Variants in SNAPC1 observed in about 807,000 individuals in gnomAD.
SNAPC1 encodes the protein small nuclear RNA activating complex polypeptide 1.
Under a neutral mutation model 50.1 loss-of-function variants are expected in SNAPC1, and 42 were observed. That is an observed-to-expected ratio of 0.84 (90% CI 0.65 to 1.08). The LOEUF is 1.08. Ranked by LOEUF, SNAPC1 falls within the 50% of genes least tolerant of loss-of-function variation. SNAPC1 has a pLI of 0.00. For missense variants in SNAPC1, 477 were observed against 427.3 expected (o/e 1.12, Z -1.02); for synonymous variants, 164 against 144.2 (o/e 1.14, Z -0.98).
chr14:61,767,531 T>A (rs2044957513), intron 3 of SNAPC1, among the ~76,000 whole-genome samples, 179 bp downstream of exon 3: 1 of 151,848 alleles, frequency 6.6e-6, no homozygotes, highest in Non-Finnish European at 1.5e-5. Context: ...TGGCACCATC[T>A]CGGCTGACTG....
chr14:61,782,606 A>G (rs1339972377), intron 8 of SNAPC1, among the ~76,000 whole-genome samples: 1 of 152,204 alleles, frequency 6.6e-6, no homozygotes, highest in African/African-American at 2.4e-5. Flanking sequence ...GTATCGTTTT[A>G]TAGATGATGA....
At chr14:61,772,734 A>G (rs1233576762) in intron 4 of SNAPC1, among the ~76,000 whole-genome samples, 1 of 152,212 alleles carries the variant, frequency 6.6e-6, no homozygotes, top group Non-Finnish European at 1.5e-5. Flanking sequence ...GGTAGAATGT[A>G]AATATTTTTT....
At chr14:61,782,983 A>C (rs2045087371) in intron 8 of SNAPC1, among the ~76,000 whole-genome samples, 1 of 151,326 alleles carries the variant, frequency 6.6e-6, no homozygotes, top group Non-Finnish European at 1.5e-5. Flanking sequence ...TAATAGCTAG[A>C]TAGTTATGAA....
chr14:61,778,866 T>A lies in SNAPC1; in HGVS notation c.781T>A (p.Ser261Thr), dbSNP rs2045052540. 1 of 1,561,604 alleles carries A rather than the reference T, an allele frequency of 6.4e-7. No individual in the cohort carries two copies. The highest frequency in any genetic ancestry group is 1.7e-4 in the Middle Eastern group (1 of 5,932). ...CATCCAGAGATGTGAAAGGGCAGAA[T>A]CATTAGCGAAAATAAAATCAAAGGC... ...QETERCERAE[S>T]LAKIKSKAFS... The change falls in exon 7 of 10, where the codon TCA becomes ACA. Residue 261 changes from serine to threonine, a missense_variant. By Grantham distance (58) the Ser-to-Thr change is moderately conservative. Coordinates refer to ENST00000216294, the MANE Select transcript of SNAPC1 (RefSeq NM_003082.4).
chr14:61,765,539 T>C (rs1037093231), intron 1 of SNAPC1, among the ~76,000 whole-genome samples: 6 of 152,178 alleles, frequency 3.9e-5, no homozygotes, highest in African/African-American at 1.4e-4. Context: ...AGCTTTCAGG[T>C]CACAGATTGG....
At chr14:61,770,021 T>G (rs1374217151) in intron 4 of SNAPC1, among the ~76,000 whole-genome samples, 1 of 152,154 alleles carries the variant, frequency 6.6e-6, no homozygotes, top group Non-Finnish European at 1.5e-5. Context: ...ACTATTAGGA[T>G]TATAATATTT....
chr14:61,784,294 A>G (rs1191760185), intron 8 of SNAPC1, among the ~76,000 whole-genome samples: 1 of 152,238 alleles, frequency 6.6e-6, no homozygotes. Context: ...ACATGTATCA[A>G]AAATAATCCT....
intron 8 of SNAPC1, among the ~76,000 whole-genome samples, chr14:61,789,340 CT>C (rs2140185849): frequency 6.6e-6 from 1 of 151,790 alleles, no homozygotes; most frequent in Non-Finnish European, 1.5e-5. Context: ...AGTGAAAAGG[CT>C]TTTTAAAAAA....
intron 8 of SNAPC1, among the ~76,000 whole-genome samples, chr14:61,790,930 A>G (rs1005209167): frequency 3.3e-5 from 5 of 152,226 alleles, no homozygotes; most frequent in African/African-American, 1.2e-4. Flanking sequence ...AGCTTTGAGC[A>G]TAGTAAAACT....
intron 2 of SNAPC1, 25 bp downstream of exon 2, chr14:61,767,060 C>A: frequency 7.0e-7 from 1 of 1,426,488 alleles, no homozygotes; most frequent in Non-Finnish European, 9.4e-7. Context: ...GTTATTTTTC[C>A]TTAGCAGAAA....
At chr14:61,785,017 C>A (rs2045105338) in intron 8 of SNAPC1, among the ~76,000 whole-genome samples, 1 of 152,040 alleles carries the variant, frequency 6.6e-6, no homozygotes, top group Non-Finnish European at 1.5e-5. Context: ...GTAAACCTTA[C>A]AAAGATTAAA....
At chr14:61,779,700 C>T (rs1390508908) in intron 7 of SNAPC1, among the ~76,000 whole-genome samples, 1 of 112,892 alleles carries the variant, frequency 8.9e-6, no homozygotes, top group African/African-American at 3.2e-5. Flanking sequence ...AACTCTTTCA[C>T]TTTGTTGGTT....
intron 8 of SNAPC1, among the ~76,000 whole-genome samples, chr14:61,790,830 T>C (rs578025406): frequency 6.6e-6 from 1 of 152,196 alleles, no homozygotes; most frequent in East Asian, 1.9e-4. Flanking sequence ...AGTAAATTTG[T>C]TGTTAGTTGC....
At chr14:61,772,058 T>C (rs1005763480) in intron 4 of SNAPC1, among the ~76,000 whole-genome samples, 7 of 152,098 alleles carry the variant, frequency 4.6e-5, no homozygotes, top group African/African-American at 1.2e-4. Context: ...ATCAATATTC[T>C]AATGAAAAAA....
chr14:61,794,820 C>T, intron 9 of SNAPC1, 129 bp from the exon 10 acceptor site: 1 of 705,012 alleles, frequency 1.4e-6, no homozygotes, highest in Non-Finnish European at 2.5e-6. Flanking sequence ...TGTGTTGTAC[C>T]AGTTAGACGT....
In SNAPC1 at chr14:61,766,380, G is replaced by A. The variant is rs561226712; in HGVS notation, c.129-496G>A. On this transcript the variant is annotated intron_variant, in intron 1 of 9. Transcript: ENST00000216294. Reference sequence around the variant, plus strand: ...AACCGGACACAGCAGTAAAGTAGATGTGTCAAGTTATAAATGACCCTGTCT... The same window carrying A: ...AACCGGACACAGCAGTAAAGTAGATATGTCAAGTTATAAATGACCCTGTCT... 7.4e-4 allele frequency among the ~76,000 whole-genome samples: 112 copies of A among 152,318 alleles called. 4 individuals are homozygous for A. The South Asian group carries it at 0.022, about 30-fold the overall frequency.
At chr14:61,772,138 C>T (rs986764579) in intron 4 of SNAPC1, among the ~76,000 whole-genome samples, 3 of 152,066 alleles carry the variant, frequency 2.0e-5, no homozygotes, top group Admixed American at 6.5e-5. Flanking sequence ...GCTTCATCAC[C>T]GTGGCTGGAG....
chr14:61,775,428 G>A (rs2140178816), intron 4 of SNAPC1, among the ~76,000 whole-genome samples: 1 of 151,996 alleles, frequency 6.6e-6, no homozygotes, highest in Admixed American at 6.5e-5. Flanking sequence ...GCTAATTTTT[G>A]TATTTTTAGT....
At position 61,776,031 on chromosome 14, in the gene SNAPC1, G is replaced by T. The variant is rs568223014; in HGVS notation, c.535-64G>T. 38 of 1,303,470 alleles carry T rather than the reference G, an allele frequency of 2.9e-5. No individual in the cohort carries two copies. In the African/African-American group the frequency reaches 4.8e-4, roughly 16 times the overall value. 80.7% of individuals were successfully genotyped at this position (1,303,470 alleles called of 1,614,324 possible). A position where few individuals can be genotyped will look rare whatever the true frequency, so the allele number is the denominator to read the frequency against. On this transcript the variant is annotated intron_variant, in intron 4 of 9. Transcript: ENST00000216294. The stretch of plus-strand genomic sequence containing the variant: ...CTTTGGAAGGTGACTATTTTGTGTT[G>T]GTTTTGCCTTTTAGTTTCTCCTCAA...
Sources: gnomAD v4.1 joint callset for allele counts (sites outside exome capture counted in the v4.1 genomes callset) on GRCh38, gnomAD v4.1.1 for gene constraint, MANE v1.5 for transcripts, NCBI Gene and HGNC (gene_info 2026-07-23, HGNC 2026-07-21) for gene names.